Variants in RAD51B observed in about 807,000 individuals in gnomAD.
RAD51B encodes the protein DNA repair protein RAD51 homolog 2.
A neutral mutation model predicts 42.2 loss-of-function variants in RAD51B; 38 were observed. The observed-to-expected ratio is 0.90, with a 90% CI of 0.70 to 1.18. The LOEUF (loss-of-function observed/expected upper bound fraction) is 1.18, where lower values mean the gene tolerates loss of function less well. RAD51B is among the 50% of genes most tolerant of loss of function. The probability of loss-of-function intolerance (pLI) is 0.00; values close to 1 mark genes in which losing one functional copy is unlikely to be tolerated. For synonymous variants in RAD51B, 154 were observed against 145.2 expected, an observed-to-expected ratio of 1.06 and a Z score of -0.43; for missense variants, 373 against 400.7, an observed-to-expected ratio of 0.93 and a Z score of 0.59.
At chr14:68,017,459 G>T (rs1437810576) in intron 7 of RAD51B, among the ~76,000 whole-genome samples, 1 of 152,036 alleles carries the variant, frequency 6.6e-6, no homozygotes, top group Admixed American at 6.5e-5. Context: ...GCCTCCCAAA[G>T]TGCTAGGATT....
At chr14:68,154,177 G>A (rs1355858246) in intron 7 of RAD51B, among the ~76,000 whole-genome samples, 1 of 152,170 alleles carries the variant, frequency 6.6e-6, no homozygotes, top group Non-Finnish European at 1.5e-5. Flanking sequence ...CTTTTTGGGT[G>A]CAAGATATTT....
At chr14:68,163,055 A>C (rs2078676021) in intron 7 of RAD51B, among the ~76,000 whole-genome samples, 1 of 152,208 alleles carries the variant, frequency 6.6e-6, no homozygotes. Context: ...GAGACTTGCA[A>C]GTCGTTTCTG....
chr14:68,393,809 G>A (rs565273542), intron 8 of RAD51B, among the ~76,000 whole-genome samples: 3 of 152,338 alleles, frequency 2.0e-5, no homozygotes, highest in African/African-American at 7.2e-5. Context: ...CTCACAGAGG[G>A]TGATGTTTTT....
At chr14:67,974,590 A>G (rs1040987503) in intron 7 of RAD51B, among the ~76,000 whole-genome samples, 4 of 152,154 alleles carry the variant, frequency 2.6e-5, no homozygotes, top group Non-Finnish European at 4.4e-5. Flanking sequence ...GTATAGGCCT[A>G]AAGTTAGGGT....
intron 7 of RAD51B, among the ~76,000 whole-genome samples, chr14:68,059,131 T>C (rs2076528440): frequency 6.6e-6 from 1 of 152,194 alleles, no homozygotes; most frequent in South Asian, 2.1e-4. Context: ...ACATCACTTA[T>C]GCGTGATCCC....
At chr14:68,401,017 C>A (rs1304710072) in intron 8 of RAD51B, among the ~76,000 whole-genome samples, 1 of 152,084 alleles carries the variant, frequency 6.6e-6, no homozygotes, top group East Asian at 1.9e-4. Flanking sequence ...GAGATTGCTT[C>A]TTTTTATTCA....
intron 7 of RAD51B, among the ~76,000 whole-genome samples, chr14:68,073,939 C>G (rs760880260): frequency 6.6e-5 from 10 of 152,162 alleles, no homozygotes; most frequent in Non-Finnish European, 8.8e-5. Flanking sequence ...TGACCCTTCT[C>G]TCTAGGTGCC....
intron 10 of RAD51B, among the ~76,000 whole-genome samples, chr14:68,632,968 C>A: frequency 1.7e-5 from 1 of 59,426 alleles, no homozygotes; most frequent in Non-Finnish European, 3.0e-5. Context: ...TTTTCTTTTT[C>A]TTTTTTTTTT....
chr14:68,263,198 A>G lies in RAD51B; in HGVS notation c.757-28686A>G, dbSNP rs1354072745. Among the ~76,000 whole-genome samples the G allele has an allele frequency of 7.9e-5, 12 of 152,262 alleles. No homozygotes were observed. The East Asian group carries it at 2.3e-3, about 29-fold the overall frequency. ...GCAAGCATTTTCCCACAACTTATGC[A>G]GATGACCTGTGAACAAACTGCTAAC... On this transcript the variant is annotated intron_variant, in intron 7 of 10. Transcript: ENST00000471583.
At chr14:68,285,900 C>A (rs2081405584) in intron 7 of RAD51B, among the ~76,000 whole-genome samples, 1 of 152,152 alleles carries the variant, frequency 6.6e-6, no homozygotes, top group South Asian at 2.1e-4. Flanking sequence ...TGTCAAAATT[C>A]ATATAAGATT....
At chr14:68,219,073 G>C (rs985160337) in intron 7 of RAD51B, among the ~76,000 whole-genome samples, 4 of 152,174 alleles carry the variant, frequency 2.6e-5, no homozygotes, top group African/African-American at 9.7e-5. Context: ...GATTAATAAA[G>C]AGAAAGGGAA....
intron 7 of RAD51B, among the ~76,000 whole-genome samples, chr14:68,067,931 C>CAAAAAAAAAA (rs913150528): frequency 8.1e-5 from 2 of 24,688 alleles, no homozygotes; most frequent in African/African-American, 1.1e-4. Context: ...GACTCCATCT[C>CAAAAAAAAAA]AAAAAAAAAA....
chr14:68,682,102 C>T (rs1160234875), intron 11 of RAD51B, among the ~76,000 whole-genome samples: 1 of 151,498 alleles, frequency 6.6e-6, no homozygotes, highest in Admixed American at 6.6e-5. Flanking sequence ...TGTCATCTCA[C>T]TTTTTTTTTG....
At chr14:68,470,655 G>A in intron 10 of RAD51B, 2 of 479,332 alleles carry the variant, frequency 4.2e-6, no homozygotes, top group Admixed American at 5.7e-5. Flanking sequence ...AGAAGAAAGA[G>A]TGAAGAAAAA....
At chr14:67,997,688 T>C (rs1180392856) in intron 7 of RAD51B, among the ~76,000 whole-genome samples, 1 of 152,242 alleles carries the variant, frequency 6.6e-6, no homozygotes, top group African/African-American at 2.4e-5. Context: ...CATTAATTTT[T>C]CACGTACTGT....
At chr14:67,898,894 A>G (rs1480181846) in intron 7 of RAD51B, among the ~76,000 whole-genome samples, 1 of 152,202 alleles carries the variant, frequency 6.6e-6, no homozygotes, top group East Asian at 1.9e-4. Context: ...TTATCTTCCA[A>G]TACAAGTAAC....
intron 7 of RAD51B, among the ~76,000 whole-genome samples, chr14:68,212,788 G>A (rs1035959060): frequency 6.6e-6 from 1 of 152,164 alleles, no homozygotes; most frequent in Non-Finnish European, 1.5e-5. Flanking sequence ...TGATTATTAG[G>A]AGTCAATATG....
intron 10 of RAD51B, among the ~76,000 whole-genome samples, chr14:68,572,726 A>G (rs1249185222): frequency 6.6e-6 from 1 of 152,050 alleles, no homozygotes; most frequent in East Asian, 1.9e-4. Flanking sequence ...CTGACCTTCT[A>G]GGTGGTGACT....
intron 7 of RAD51B, among the ~76,000 whole-genome samples, chr14:68,257,384 A>G (rs2080775398): frequency 6.6e-6 from 1 of 152,194 alleles, no homozygotes; most frequent in African/African-American, 2.4e-5. Flanking sequence ...TAAAAAAGCA[A>G]TGGAACAAAA....
Sources: allele counts gnomAD v4.1 joint callset (sites outside exome capture counted in the v4.1 genomes callset), GRCh38; gene constraint gnomAD v4.1.1; transcripts MANE v1.5; gene names NCBI Gene and HGNC (gene_info 2026-07-23, HGNC 2026-07-21).